Variants in NXPH1 observed in about 807,000 individuals in gnomAD.
NXPH1 encodes neurexophilin-1.
In NXPH1, 5 loss-of-function variants were observed where a neutral mutation model predicts 23.7. The observed-to-expected ratio is 0.21, with a 90% CI of 0.11 to 0.44. The LOEUF is 0.44. NXPH1 is among the 20% of genes least tolerant of loss of function. NXPH1 has a pLI of 0.99. For missense variants in NXPH1, 324 were observed against 321.6 expected, an observed-to-expected ratio of 1.01 and a Z score of -0.06; for synonymous variants, 144 against 122.2, an observed-to-expected ratio of 1.18 and a Z score of -1.18.
At chr7:8,714,075 G>A (rs540626449) in intron 2 of NXPH1, among the ~76,000 whole-genome samples, 2 of 152,228 alleles carry the variant, frequency 1.3e-5, no homozygotes, top group East Asian at 3.9e-4. Flanking sequence ...TAGGATCCAG[G>A]GTCTAGAGTG....
chr7:8,698,266 T>C (rs1027044247), intron 2 of NXPH1, among the ~76,000 whole-genome samples: 1 of 152,206 alleles, frequency 6.6e-6, no homozygotes, highest in African/African-American at 2.4e-5. Flanking sequence ...TTCAATTCTA[T>C]AATATATATA....
chr7:8,488,818 C>G (rs771934217), intron 2 of NXPH1, among the ~76,000 whole-genome samples: 13 of 152,254 alleles, frequency 8.5e-5, no homozygotes, highest in Admixed American at 4.6e-4. Flanking sequence ...AGACTGTGTA[C>G]AGTTTCTGGA....
At chr7:8,469,335 T>TA (rs986951367) in intron 2 of NXPH1, among the ~76,000 whole-genome samples, 11 of 151,424 alleles carry the variant, frequency 7.3e-5, no homozygotes, top group Admixed American at 1.3e-4. Context: ...ACATGAACAT[T>TA]AAAAAAAAAT....
intron 2 of NXPH1, among the ~76,000 whole-genome samples, chr7:8,712,439 A>T (rs1408768851): frequency 6.6e-6 from 1 of 152,058 alleles, no homozygotes; most frequent in Non-Finnish European, 1.5e-5. Flanking sequence ...AGTAGCTTAA[A>T]CTCCTTCAAA....
intron 2 of NXPH1, among the ~76,000 whole-genome samples, chr7:8,446,609 T>G (rs1343768655): frequency 6.6e-6 from 1 of 152,184 alleles, no homozygotes; most frequent in African/African-American, 2.4e-5. Context: ...TAAAACCAAA[T>G]CTCTTCCTGT....
chr7:8,462,522 A>C (rs1007117671), intron 2 of NXPH1, among the ~76,000 whole-genome samples: 7 of 152,226 alleles, frequency 4.6e-5, no homozygotes, highest in African/African-American at 1.7e-4. Flanking sequence ...AGCTTCCCAC[A>C]GTCACTCAGC....
chr7:8,669,943 A>G (rs1193612706), intron 2 of NXPH1, among the ~76,000 whole-genome samples: 1 of 152,236 alleles, frequency 6.6e-6, no homozygotes, highest in East Asian at 1.9e-4. Context: ...GCAGGAAGCC[A>G]GGGAATGAGG....
chr7:8,657,390 A>G (rs7784477), intron 2 of NXPH1, among the ~76,000 whole-genome samples: 107,207 of 151,696 alleles, frequency 0.71, 38,621 homozygotes, highest in East Asian at 1. Flanking sequence ...GTTATTTTTG[A>G]TAATTCCTGT....
intron 2 of NXPH1, among the ~76,000 whole-genome samples, chr7:8,574,997 T>C (rs559011946): frequency 6.6e-6 from 1 of 152,304 alleles, no homozygotes; most frequent in South Asian, 2.1e-4. Context: ...CCTTCGACAT[T>C]ATAGCATTCG....
intron 2 of NXPH1, among the ~76,000 whole-genome samples, chr7:8,515,352 C>T (rs1314476464): frequency 7.9e-5 from 12 of 152,074 alleles, no homozygotes; most frequent in South Asian, 2.1e-4. Flanking sequence ...TCATGGGACA[C>T]ATGGTACTGT....
intron 2 of NXPH1, among the ~76,000 whole-genome samples, chr7:8,472,272 TG>T (rs1816882691): frequency 6.6e-6 from 1 of 152,204 alleles, no homozygotes; most frequent in Non-Finnish European, 1.5e-5. Flanking sequence ...TTTCCTCATC[TG>T]TATAATAAGA....
At chr7:8,644,948 G>A (rs891575227) in intron 2 of NXPH1, among the ~76,000 whole-genome samples, 3 of 152,008 alleles carry the variant, frequency 2.0e-5, no homozygotes, top group Admixed American at 6.6e-5. Flanking sequence ...GTCTTCTTTG[G>A]CAGTTTACCT....
chr7:8,448,013 TCAGTTATCC>T (rs1341449650), intron 2 of NXPH1, among the ~76,000 whole-genome samples: 12 of 152,230 alleles, frequency 7.9e-5, no homozygotes, highest in African/African-American at 2.7e-4. Flanking sequence ...AGGCCTGTTT[TCAGTTATCC>T]CAGGACCTCT....
At chr7:8,449,600 T>C (rs557183862) in intron 2 of NXPH1, among the ~76,000 whole-genome samples, 181 of 152,320 alleles carry the variant, frequency 1.2e-3, no homozygotes, top group African/African-American at 4.2e-3. Flanking sequence ...ATGAGGAAAT[T>C]GAGGCACTGA....
intron 2 of NXPH1, among the ~76,000 whole-genome samples, chr7:8,505,622 A>G (rs1294726122): frequency 6.6e-6 from 1 of 152,090 alleles, no homozygotes; most frequent in African/African-American, 2.4e-5. Context: ...GATAATTTCC[A>G]TAATACTTTT....
chr7:8,536,185 G>C (rs1284136669), intron 2 of NXPH1, among the ~76,000 whole-genome samples: 1 of 151,962 alleles, frequency 6.6e-6, no homozygotes, highest in Non-Finnish European at 1.5e-5. Flanking sequence ...TATCCTTGTG[G>C]AGCTTGCAGA....
intron 2 of NXPH1, among the ~76,000 whole-genome samples, chr7:8,638,946 AC>A (rs141820189): frequency 0.054 from 8,141 of 152,082 alleles, 446 homozygotes; most frequent in East Asian, 0.17. Flanking sequence ...AAGTTCCTTG[AC>A]CTCTCCAACC....
chr7:8,535,490 A>T (rs1004986167), intron 2 of NXPH1, among the ~76,000 whole-genome samples: 1 of 151,972 alleles, frequency 6.6e-6, no homozygotes, highest in Non-Finnish European at 1.5e-5. Context: ...ATGTGCTGAC[A>T]CTGTCTTGGT....
At chr7:8,648,042 C>T (rs1820424224) in intron 2 of NXPH1, among the ~76,000 whole-genome samples, 1 of 152,010 alleles carries the variant, frequency 6.6e-6, no homozygotes, top group Non-Finnish European at 1.5e-5. Flanking sequence ...TGGATACATA[C>T]TAAGTGTATA....
Sources: gnomAD v4.1 joint callset for allele counts (sites outside exome capture counted in the v4.1 genomes callset) on GRCh38, gnomAD v4.1.1 for gene constraint, MANE v1.5 for transcripts, NCBI Gene and HGNC (gene_info 2026-07-23, HGNC 2026-07-21) for gene names.